Variants in CADM2 observed in about 807,000 individuals in gnomAD.
CADM2 encodes the protein immunoglobulin superfamily member 4D.
In CADM2, 12 loss-of-function variants were observed where a neutral mutation model predicts 49.8. The observed-to-expected ratio is 0.24, with a 90% CI of 0.15 to 0.39. The LOEUF is 0.39. Ranked by LOEUF, CADM2 falls within the 10% of genes least tolerant of loss-of-function variation. CADM2 has a pLI of 1.00. For synonymous variants in CADM2, 214 were observed against 175.4 expected, an observed-to-expected ratio of 1.22 and a Z score of -1.74; for missense variants, 378 against 492.3, an observed-to-expected ratio of 0.77 and a Z score of 2.20.
intron 1 of CADM2, among the ~76,000 whole-genome samples, chr3:85,388,661 G>A (rs1021561768): frequency 5.3e-5 from 8 of 152,036 alleles, no homozygotes; most frequent in Admixed American, 5.2e-4. Flanking sequence ...AACAACATAT[G>A]CTAGAATGAT....
At chr3:85,075,455 T>C (rs2107485069) in intron 1 of CADM2, among the ~76,000 whole-genome samples, 1 of 152,284 alleles carries the variant, frequency 6.6e-6, no homozygotes, top group African/African-American at 2.4e-5. Context: ...TGGAAATTTC[T>C]TTACAAATTG....
chr3:85,349,891 A>T (rs1052531661), intron 1 of CADM2, among the ~76,000 whole-genome samples: 1 of 152,174 alleles, frequency 6.6e-6, no homozygotes, highest in Admixed American at 6.5e-5. Flanking sequence ...ACCGTTCAGG[A>T]TTGGTAGAAA....
chr3:85,069,261 GA>G (rs1297593348), intron 1 of CADM2, among the ~76,000 whole-genome samples: 1 of 151,734 alleles, frequency 6.6e-6, no homozygotes, highest in African/African-American at 2.4e-5. Flanking sequence ...TATAATTATA[GA>G]ATTATAATTT....
chr3:85,257,499 C>T (rs2042914153), intron 1 of CADM2, among the ~76,000 whole-genome samples: 1 of 152,068 alleles, frequency 6.6e-6, no homozygotes, highest in Non-Finnish European at 1.5e-5. Context: ...CTAATTATTC[C>T]TTCTAGTAGG....
chr3:85,867,175 T>C (rs529929293), intron 3 of CADM2, among the ~76,000 whole-genome samples: 25 of 152,224 alleles, frequency 1.6e-4, no homozygotes, highest in African/African-American at 5.8e-4. Flanking sequence ...ACGTAACAAC[T>C]GTATGTCTAA....
chr3:85,645,846 C>G (rs1018367843), intron 1 of CADM2, among the ~76,000 whole-genome samples: 10 of 151,804 alleles, frequency 6.6e-5, no homozygotes, highest in African/African-American at 2.4e-4. Context: ...ATGTTGAACT[C>G]TGGGGAGGGG....
chr3:85,888,276 G>T (rs897134994), intron 5 of CADM2, among the ~76,000 whole-genome samples: 1 of 152,120 alleles, frequency 6.6e-6, no homozygotes, highest in African/African-American at 2.4e-5. Flanking sequence ...ACAAACCCAT[G>T]ATATACTCAG....
intron 1 of CADM2, among the ~76,000 whole-genome samples, chr3:84,977,564 T>A (rs1047104502): frequency 2.0e-5 from 3 of 152,046 alleles, no homozygotes; most frequent in Admixed American, 1.3e-4. Flanking sequence ...TTGGCATTAA[T>A]ATGAGTGGAG....
At chr3:86,000,186 A>T (rs1559792558) in intron 8 of CADM2, among the ~76,000 whole-genome samples, 1 of 152,154 alleles carries the variant, frequency 6.6e-6, no homozygotes, top group Non-Finnish European at 1.5e-5. Flanking sequence ...GTGGGAAATT[A>T]ACAGAGCTTT....
At chr3:85,022,144 G>A (rs923237169) in intron 1 of CADM2, among the ~76,000 whole-genome samples, 2 of 152,178 alleles carry the variant, frequency 1.3e-5, no homozygotes, top group African/African-American at 2.4e-5. Context: ...GCTGACATGA[G>A]AGCATCTAGA....
intron 1 of CADM2, among the ~76,000 whole-genome samples, chr3:85,668,556 A>C (rs969461332): frequency 2.0e-5 from 3 of 152,040 alleles, no homozygotes; most frequent in Non-Finnish European, 2.9e-5. Flanking sequence ...TGCTGTTCTC[A>C]TGATAGTGAA....
intron 1 of CADM2, among the ~76,000 whole-genome samples, chr3:85,259,365 C>T (rs991941886): frequency 4.0e-5 from 6 of 150,134 alleles, no homozygotes; most frequent in Non-Finnish European, 7.4e-5. Flanking sequence ...CTTTTTTTTT[C>T]CTAATCATTT....
intron 1 of CADM2, among the ~76,000 whole-genome samples, chr3:85,463,949 C>T (rs1012025370): frequency 1.1e-4 from 17 of 152,022 alleles, no homozygotes; most frequent in South Asian, 4.1e-4. Context: ...GTATGATATT[C>T]GACCCAAATT....
chr3:85,452,387 G>T (rs925317840), intron 1 of CADM2, among the ~76,000 whole-genome samples: 1 of 152,130 alleles, frequency 6.6e-6, no homozygotes, highest in African/African-American at 2.4e-5. Flanking sequence ...GATTTAAAGA[G>T]AAAGTAGAGA....
intron 1 of CADM2, among the ~76,000 whole-genome samples, chr3:84,964,227 GA>G (rs1048067566): frequency 6.6e-6 from 1 of 151,920 alleles, no homozygotes; most frequent in African/African-American, 2.4e-5. Flanking sequence ...TTTTCTTAAA[GA>G]AAAAAATACT....
At chr3:85,026,123 T>C (rs572310327) in intron 1 of CADM2, among the ~76,000 whole-genome samples, 1 of 152,298 alleles carries the variant, frequency 6.6e-6, no homozygotes, top group East Asian at 1.9e-4. Context: ...AATTTTACAG[T>C]AAATATTTTC....
At chr3:85,365,199 C>CTTTTTTTTTTTTTTTTTTTTT (rs397962829) in intron 1 of CADM2, among the ~76,000 whole-genome samples, 4 of 104,714 alleles carry the variant, frequency 3.8e-5, no homozygotes, top group Non-Finnish European at 5.4e-5. Flanking sequence ...TTTTTTTTTA[C>CTTTTTTTTTTTTTTTTTTTTT]TTTTTTTTTT....
intron 1 of CADM2, among the ~76,000 whole-genome samples, chr3:85,237,424 C>A (rs530921443): frequency 6.6e-6 from 1 of 151,454 alleles, no homozygotes; most frequent in Non-Finnish European, 1.5e-5. Context: ...AAAGATATGG[C>A]GATGTTTGTC....
intron 1 of CADM2, among the ~76,000 whole-genome samples, chr3:85,001,742 T>G (rs1246264220): frequency 2.0e-5 from 3 of 152,120 alleles, no homozygotes; most frequent in Non-Finnish European, 4.4e-5. Context: ...ATACAGGAAA[T>G]GAATATTAAG....
Sources: gnomAD v4.1 joint callset for allele counts (sites outside exome capture counted in the v4.1 genomes callset) on GRCh38, gnomAD v4.1.1 for gene constraint, MANE v1.5 for transcripts, NCBI Gene and HGNC (gene_info 2026-07-23, HGNC 2026-07-21) for gene names.